AGAP3: variants seen among roughly 807,000 people sequenced by gnomAD.
The protein encoded by AGAP3 is ArfGAP with GTPase domain, ankyrin repeat and PH domain 3.
A neutral mutation model predicts 96.9 loss-of-function variants in AGAP3; 24 were observed. That is an observed-to-expected ratio of 0.25 (90% CI 0.18 to 0.35). The LOEUF (loss-of-function observed/expected upper bound fraction) is 0.35. Among genes scored for constraint, AGAP3 ranks in the 10% least tolerant of loss-of-function variants. AGAP3 has a pLI of 1.00. For synonymous variants in AGAP3, 563 were observed against 536.1 expected (o/e 1.05, Z -0.69); for missense variants, 876 against 1,254.2 (o/e 0.70, Z 4.55).
chr7:151,121,063 G>A (rs1005130447), intron 8 of AGAP3: 1 of 171,228 alleles, frequency 5.8e-6, no homozygotes, highest in African/African-American at 2.4e-5. Flanking sequence ...TCTCAGCCTG[G>A]GCCCGAGTGC....
intron 8 of AGAP3, chr7:151,123,482 ACCT>A (rs1321675826): frequency 4.7e-5 from 55 of 1,180,726 alleles, no homozygotes; most frequent in Non-Finnish European, 5.7e-5. Context: ...CCCACCGTCC[ACCT>A]CCTCGCCCCC....
At position 151,120,228 on chromosome 7, in the gene AGAP3, G is replaced by A. The variant is rs150610517; in HGVS notation, c.1128+83G>A. ...CGCCGAGCTCCCAGCCAGGAGGGGC[G>A]TGGGCAGCCCCAAGTCAGGAAGACG... On this transcript the variant is annotated intron_variant, in intron 8 of 17. Transcript: ENST00000397238. The A allele has an allele frequency of 8.4e-4, 1,199 of 1,430,106 alleles. 12 individuals are homozygous for A. The African/African-American group carries it at 0.015, about 18-fold the overall frequency. 88.6% of individuals were successfully genotyped at this position (1,430,106 alleles called of 1,614,324 possible). A position where few individuals can be genotyped will look rare whatever the true frequency, so the allele number is the denominator to read the frequency against.
chr7:151,114,568 C>G lies in AGAP3; in HGVS notation c.332-2225C>G, dbSNP rs1799445856. 1 of 356,312 alleles carries G rather than the reference C, an allele frequency of 2.8e-6. No individual in the cohort carries two copies. Among genetic ancestry groups the G allele is most frequent in the South Asian group, 1.2e-4 (1 of 8,662 alleles). 22.1% of individuals were successfully genotyped at this position (356,312 alleles called of 1,614,324 possible). A position where few individuals can be genotyped will look rare whatever the true frequency, so the allele number is the denominator to read the frequency against. ...TCCCGGGCGTTCCAGGCCAGACTTG[C>G]CGCCTCTCTCTCCGGGCTGGGCTGA... On this transcript the variant is annotated intron_variant, in intron 1 of 17. Coordinates refer to ENST00000397238, the MANE Select transcript of AGAP3 (RefSeq NM_031946.7). This position sits in a 1 kb window ranked among gnomAD's most constrained non-coding sequence, Gnocchi z 4.4.
At position 151,114,890 on chromosome 7, in the gene AGAP3, C is replaced by T; in HGVS notation, c.332-1903C>T. The T allele has an allele frequency of 5.0e-6, 5 of 1,002,820 alleles. No individual in the cohort carries two copies. Among genetic ancestry groups the T allele is most frequent in the African/African-American group, 1.8e-5 (1 of 57,098 alleles). The allele number at this position is 1,002,820 out of a possible 1,614,324, so 62.1% of individuals were successfully genotyped here. On this transcript the variant is annotated intron_variant, in intron 1 of 17. Coordinates refer to ENST00000397238, the MANE Select transcript of AGAP3 (RefSeq NM_031946.7). The surrounding 1 kb of genome is among the most constrained non-coding windows in gnomAD (Gnocchi z 4.4). ...ACGGCGCCTCGGCCGGCCGCGCTGC[C>T]GCCGCCCTGCAGGCCGCCCTCTGCG...
intron 1 of AGAP3, among the ~76,000 whole-genome samples, chr7:151,115,847 G>C (rs1159707944): frequency 6.6e-6 from 1 of 152,238 alleles, no homozygotes; most frequent in Non-Finnish European, 1.5e-5. Context: ...GTGCGGCCCA[G>C]GAAAGGAAGA....
At chr7:151,117,269 C>A (rs546020885) in intron 3 of AGAP3, 87 bp downstream of exon 3, 1 of 1,586,954 alleles carries the variant, frequency 6.3e-7, no homozygotes, top group African/African-American at 1.3e-5. Flanking sequence ...GTCTCCAGCC[C>A]CCTTCCAGTC....
rs1479686757 is a variant in AGAP3 at position 151,119,858 on chromosome 7, G to C, written c.970-129G>C. ...ATGTTCCCCCCATATCATCTGTAGG[G>C]GCTAGTGGCCCCTCTGCTGCCCATG... On this transcript the variant is annotated intron_variant, in intron 7 of 17. Coordinates refer to ENST00000397238, the MANE Select transcript of AGAP3 (RefSeq NM_031946.7). The C allele has an allele frequency of 5.1e-6, 4 of 783,036 alleles. No homozygotes were observed. In the East Asian group the frequency reaches 8.2e-5, roughly 16 times the overall value. The allele number at this position is 783,036 out of a possible 1,614,324, so 48.5% of individuals were successfully genotyped here.
At chr7:151,105,096 T>C (rs1798990950) in intron 1 of AGAP3, among the ~76,000 whole-genome samples, 1 of 152,186 alleles carries the variant, frequency 6.6e-6, no homozygotes, top group Non-Finnish European at 1.5e-5. Context: ...TGTGAATGTT[T>C]TCTTACCCTG....
chr7:151,090,256 C>CTGGAAG (rs1798338355), intron 1 of AGAP3: 1 of 151,820 alleles, frequency 6.6e-6, no homozygotes, highest in African/African-American at 2.4e-5. Flanking sequence ...GGGCTCCCGC[C>CTGGAAG]TGGAAGTGGA....
At chr7:151,124,845 C>T (rs898742307) in intron 9 of AGAP3, among the ~76,000 whole-genome samples, 1 of 152,300 alleles carries the variant, frequency 6.6e-6, no homozygotes, top group African/African-American at 2.4e-5. Context: ...AGAGTAGTGT[C>T]CCAGAGGGCA....
At chr7:151,112,388 C>T (rs2150447220) in intron 1 of AGAP3, 1 of 143,848 alleles carries the variant, frequency 7.0e-6, no homozygotes, top group South Asian at 2.5e-4. Context: ...TGCCTGCCTT[C>T]CCCGAGACGT....
rs1421861652 is a variant in AGAP3, at chr7:151,114,252, C to G, written c.332-2541C>G. On this transcript the variant is annotated intron_variant, in intron 1 of 17. Transcript: ENST00000397238. This position sits in a 1 kb window ranked among gnomAD's most constrained non-coding sequence, Gnocchi z 4.4. The stretch of plus-strand genomic sequence containing the variant: ...CGTGCTGCAGACGAGGACACGCGCG[C>G]AGACCCGGCATGGCTGCCTCTGACG... Among the ~76,000 whole-genome samples, 1 of 152,250 alleles carries G rather than the reference C, an allele frequency of 6.6e-6. No individual in the cohort carries two copies. The highest frequency in any genetic ancestry group is 1.5e-5 in the Non-Finnish European group (1 of 68,046).
intron 1 of AGAP3, among the ~76,000 whole-genome samples, chr7:151,099,729 C>G (rs1023650989): frequency 6.6e-6 from 1 of 152,228 alleles, no homozygotes; most frequent in Admixed American, 6.5e-5. Flanking sequence ...CCCTCGGGAC[C>G]GTGGGTCAGA....
Position 151,137,813 on chromosome 7 carries a change from CAAG to C in AGAP3, c.1496-329_1496-327del, listed in dbSNP as rs369734420. ...GGGGCCCAAGCCAGGAGGGGCCCCT[CAAG>C]GAGCACTGCGGCGATGGGTGTCAGC... On this transcript the variant is annotated intron_variant, in intron 11 of 17. Transcript: ENST00000397238. 6.9e-3 allele frequency: 2,578 copies of C among 373,264 alleles called. 12 individuals are homozygous for C. Among genetic ancestry groups the C allele is most frequent in the Non-Finnish European group, 9.8e-3 (2,044 of 207,738 alleles). 23.1% of individuals were successfully genotyped at this position (373,264 alleles called of 1,614,324 possible).
At position 151,141,526 on chromosome 7, in the gene AGAP3, C is replaced by T. The variant is rs373329885; in HGVS notation, c.1805-372C>T. The T allele has an allele frequency of 5.4e-5, 14 of 259,848 alleles. No individual in the cohort carries two copies. The highest frequency in any genetic ancestry group is 2.7e-4 in the African/African-American group (12 of 45,196). 16.1% of individuals were successfully genotyped at this position (259,848 alleles called of 1,614,324 possible). A position where few individuals can be genotyped will look rare whatever the true frequency, so the allele number is the denominator to read the frequency against. On this transcript the variant is annotated intron_variant, in intron 13 of 17. Transcript: ENST00000397238. This position sits in a 1 kb window ranked among gnomAD's most constrained non-coding sequence, Gnocchi z 4.2. ...ACACCCGCCTTCCCCCACCCTCTCC[C>T]AGTGTTTGCCTCCTAGCACCCCGTC... is the stretch of plus-strand genomic sequence containing the variant.
At position 151,143,551 on chromosome 7, in the gene AGAP3, C is replaced by T; in HGVS notation, c.2484C>T (p.Leu828=). 1 of 1,612,224 alleles carries T rather than the reference C, an allele frequency of 6.2e-7. No individual in the cohort carries two copies. The highest frequency in any genetic ancestry group is 1.3e-5 in the African/African-American group (1 of 75,020). The stretch of plus-strand genomic sequence containing the variant: ...GGGACGGGCGGACGGCTCTACATCT[C>T]TCCAGTGCCATGGCCAACGTTGTCT... ...GDGDGRTALH[L]SSAMANVVFT... Residue 828 remains leucine, a synonymous_variant, in exon 17 of 18, where the codon CTC becomes CTT. Coordinates refer to ENST00000397238, the MANE Select transcript of AGAP3 (RefSeq NM_031946.7). The surrounding 1 kb of genome is among the most constrained non-coding windows in gnomAD (Gnocchi z 5.9).
At chr7:151,123,117 G>T in intron 8 of AGAP3, 1 of 1,124,900 alleles carries the variant, frequency 8.9e-7, no homozygotes, top group Non-Finnish European at 1.1e-6. Flanking sequence ...GGCTGCTCCT[G>T]GGGGGCGCTT....
chr7:151,125,808 C>T (rs1171130416), intron 9 of AGAP3, among the ~76,000 whole-genome samples: 2 of 152,248 alleles, frequency 1.3e-5, no homozygotes, highest in East Asian at 1.9e-4. Flanking sequence ...CCAATCAATC[C>T]GGACTCCGCA....
At chr7:151,101,674 T>C (rs1798839566) in intron 1 of AGAP3, among the ~76,000 whole-genome samples, 2 of 152,058 alleles carry the variant, frequency 1.3e-5, no homozygotes. Flanking sequence ...CACGCCTGGG[T>C]AGCAGTACAG....
Sources: gnomAD v4.1 joint callset for allele counts (sites outside exome capture counted in the v4.1 genomes callset) on GRCh38, gnomAD v4.1.1 for gene constraint, Gnocchi (gnomAD v3.1) non-coding constraint, MANE v1.5 for transcripts, NCBI Gene and HGNC (gene_info 2026-07-23, HGNC 2026-07-21) for gene names.